Variants in CTNND2 observed in about 807,000 individuals in gnomAD.
The protein encoded by CTNND2 is catenin delta-2.
Under a neutral mutation model 144.4 loss-of-function variants are expected in CTNND2, and 22 were observed. The observed-to-expected ratio is 0.15, with a 90% CI of 0.11 to 0.22. CTNND2 has a LOEUF of 0.22. Ranked by LOEUF, CTNND2 falls within the 10% of genes least tolerant of loss-of-function variation. CTNND2 has a pLI of 1.00. For missense variants in CTNND2, 1,353 were observed against 1,618.8 expected, an observed-to-expected ratio of 0.84 and a Z score of 2.82; for synonymous variants, 751 against 695.6, an observed-to-expected ratio of 1.08 and a Z score of -1.25.
At chr5:11,271,400 A>G (rs1056200793) in intron 9 of CTNND2, among the ~76,000 whole-genome samples, 2 of 152,230 alleles carry the variant, frequency 1.3e-5, no homozygotes, top group African/African-American at 4.8e-5. Flanking sequence ...GGTAACACTT[A>G]GCTTTAAAAG....
chr5:11,503,410 A>G (rs1172006772), intron 3 of CTNND2, among the ~76,000 whole-genome samples: 1 of 152,202 alleles, frequency 6.6e-6, no homozygotes, highest in Non-Finnish European at 1.5e-5. Context: ...TGAAAGATCA[A>G]TGGCCTATGT....
intron 2 of CTNND2, among the ~76,000 whole-genome samples, chr5:11,565,946 C>A (rs1561564869): frequency 6.6e-6 from 1 of 152,096 alleles, no homozygotes; most frequent in Non-Finnish European, 1.5e-5. Flanking sequence ...AATAAATTAT[C>A]TAAACAGTTA....
At chr5:11,653,050 T>C (rs1009282776) in intron 2 of CTNND2, among the ~76,000 whole-genome samples, 23 of 151,428 alleles carry the variant, frequency 1.5e-4, no homozygotes, top group African/African-American at 4.4e-4. Flanking sequence ...TTTCCTTCTT[T>C]TTTAAGGCTG....
chr5:11,708,723 G>T (rs531018937), intron 2 of CTNND2, among the ~76,000 whole-genome samples: 3 of 152,194 alleles, frequency 2.0e-5, no homozygotes, highest in Non-Finnish European at 2.9e-5. Flanking sequence ...CATGAGCTCT[G>T]TTGCAGTTCC....
intron 1 of CTNND2, among the ~76,000 whole-genome samples, chr5:11,789,328 A>T (rs1455051951): frequency 6.6e-6 from 1 of 152,072 alleles, no homozygotes; most frequent in African/African-American, 2.4e-5. Flanking sequence ...GAGAGCATTA[A>T]ATTTGTTTAT....
At chr5:11,677,694 C>T (rs932410778) in intron 2 of CTNND2, among the ~76,000 whole-genome samples, 3 of 152,120 alleles carry the variant, frequency 2.0e-5, no homozygotes, top group African/African-American at 7.2e-5. Flanking sequence ...CCCATGTATT[C>T]GAGTTTTGCT....
intron 1 of CTNND2, among the ~76,000 whole-genome samples, chr5:11,735,288 C>T (rs1302858353): frequency 6.6e-6 from 1 of 152,154 alleles, no homozygotes; most frequent in African/African-American, 2.4e-5. Flanking sequence ...TCGATCAAGT[C>T]TCTTAATTAT....
intron 3 of CTNND2, among the ~76,000 whole-genome samples, chr5:11,464,118 A>G (rs1408770587): frequency 6.6e-6 from 1 of 152,224 alleles, no homozygotes; most frequent in Non-Finnish European, 1.5e-5. Context: ...CATTCATCTG[A>G]TATTTATTGA....
At chr5:11,286,087 C>G (rs1382614819) in intron 9 of CTNND2, among the ~76,000 whole-genome samples, 5 of 151,016 alleles carry the variant, frequency 3.3e-5, no homozygotes, top group African/African-American at 1.2e-4. Flanking sequence ...ACACTACACA[C>G]AAGAAGTTGA....
chr5:11,547,886 C>A (rs1775383605), intron 3 of CTNND2, among the ~76,000 whole-genome samples: 1 of 152,234 alleles, frequency 6.6e-6, no homozygotes, highest in African/African-American at 2.4e-5. Context: ...CATTTCTCTT[C>A]TGTGCCCGCC....
At chr5:11,017,605 T>G (rs201636824) in intron 18 of CTNND2, among the ~76,000 whole-genome samples, 1 of 18,240 alleles carries the variant, frequency 5.5e-5, no homozygotes, top group South Asian at 2.5e-3. Flanking sequence ...TATCTTTCCA[T>G]ATATATATAT....
chr5:11,831,703 C>T (rs1439087636), intron 1 of CTNND2, among the ~76,000 whole-genome samples: 1 of 151,688 alleles, frequency 6.6e-6, no homozygotes, highest in Admixed American at 6.6e-5. Flanking sequence ...ATATTTCCCC[C>T]TCATAAATGA....
intron 14 of CTNND2, among the ~76,000 whole-genome samples, chr5:11,102,736 T>C (rs1580290928): frequency 1.3e-5 from 2 of 152,094 alleles, no homozygotes; most frequent in South Asian, 2.1e-4. Context: ...CTTCCCAAGA[T>C]AGAAGGTTAA....
At chr5:11,861,469 CAATCT>C (rs1182666083) in intron 1 of CTNND2, among the ~76,000 whole-genome samples, 9 of 152,088 alleles carry the variant, frequency 5.9e-5, no homozygotes, top group Admixed American at 5.9e-4. Context: ...ATACTCCATC[CAATCT>C]GTCAGCAAAT....
intron 2 of CTNND2, among the ~76,000 whole-genome samples, chr5:11,636,245 A>G (rs1035964161): frequency 3.3e-5 from 5 of 152,162 alleles, no homozygotes; most frequent in African/African-American, 1.2e-4. Flanking sequence ...ATATAGCTAT[A>G]ACTATTGCCA....
chr5:11,769,676 T>G (rs1373936018), intron 1 of CTNND2, among the ~76,000 whole-genome samples: 2 of 152,182 alleles, frequency 1.3e-5, no homozygotes, highest in African/African-American at 2.4e-5. Context: ...CCAGAGATAC[T>G]AAGTGGACAG....
intron 2 of CTNND2, among the ~76,000 whole-genome samples, chr5:11,684,977 C>T (rs186927237): frequency 7.2e-5 from 11 of 152,250 alleles, no homozygotes; most frequent in Admixed American, 6.5e-4. Flanking sequence ...GTAATCATTG[C>T]CGTGAAATCA....
intron 2 of CTNND2, among the ~76,000 whole-genome samples, chr5:11,695,405 A>G (rs1454712770): frequency 6.6e-6 from 1 of 152,168 alleles, no homozygotes; most frequent in Non-Finnish European, 1.5e-5. Context: ...TTGGTTTACT[A>G]CTTCTCATTC....
intron 3 of CTNND2, among the ~76,000 whole-genome samples, chr5:11,526,576 T>C (rs914332816): frequency 2.0e-5 from 3 of 152,146 alleles, no homozygotes; most frequent in Admixed American, 6.5e-5. Context: ...TTGCTAGAGT[T>C]TGCCACACGC....
Sources: allele counts gnomAD v4.1 joint callset (sites outside exome capture counted in the v4.1 genomes callset), GRCh38; gene constraint gnomAD v4.1.1; transcripts MANE v1.5; gene names NCBI Gene and HGNC (gene_info 2026-07-23, HGNC 2026-07-21).